The following CNTNAP2 variants were observed in gnomAD, a reference collection of about 807,000 sequenced individuals.
CNTNAP2 encodes contactin-associated protein-like 2.
A neutral mutation model predicts 155.2 loss-of-function variants in CNTNAP2; 98 were observed. That is an observed-to-expected ratio of 0.63 (90% confidence interval 0.54 to 0.75). The LOEUF (loss-of-function observed/expected upper bound fraction) is 0.75. CNTNAP2 is among the 30% of genes least tolerant of loss of function. The pLI is 0.00. For missense variants in CNTNAP2, 1,727 were observed against 1,688.1 expected, an observed-to-expected ratio of 1.02 and a Z score of -0.40; for synonymous variants, 651 against 631.2, an observed-to-expected ratio of 1.03 and a Z score of -0.47.
In CNTNAP2 at chr7:147,518,495, T is replaced by C. The variant is rs61460993; in HGVS notation, c.1777+32454T>C. Among the ~76,000 whole-genome samples, 1,261 of 152,302 alleles carry C rather than the reference T, an allele frequency of 8.3e-3. 10 individuals carry two copies. Among genetic ancestry groups the C allele is most frequent in the African/African-American group, 0.029 (1,190 of 41,570 alleles). On this transcript the variant is annotated intron_variant, in intron 11 of 23. Coordinates refer to ENST00000361727, the MANE Select transcript of CNTNAP2 (RefSeq NM_014141.6). ...TCTCTTGCAGTCTAGCACATGTACA[T>C]ACAGATGCTATGAGAACATATGTCT...
rs756005016 is a variant in CNTNAP2, at chr7:148,229,755, C to T, written c.3357C>T (p.Arg1119=). 1.2e-6 allele frequency: 2 copies of T among 1,614,118 alleles called. No homozygotes were observed. Among genetic ancestry groups the T allele is most frequent in the Non-Finnish European group, 8.5e-7 (1 of 1,180,010 alleles). ...NGQPHSVNIT[R]HEKTIFLKLD... ...AGCCCCACAGTGTCAACATCACCCG[C>T]CACGAGAAGACCATCTTTCTCAAGG... is the stretch of plus-strand genomic sequence containing the variant. Residue 1119 remains arginine (R), a synonymous_variant, in exon 20 of 24, where the codon CGC becomes CGT. Transcript: ENST00000361727.
At chr7:147,696,070 C>T (rs1405823644) in intron 13 of CNTNAP2, among the ~76,000 whole-genome samples, 1 of 152,100 alleles carries the variant, frequency 6.6e-6, no homozygotes, top group Non-Finnish European at 1.5e-5. Flanking sequence ...TTTGTCTTTA[C>T]ATTTAAAGTG....
At chr7:147,318,077 C>A (rs899097748) in intron 9 of CNTNAP2, among the ~76,000 whole-genome samples, 1 of 151,974 alleles carries the variant, frequency 6.6e-6, no homozygotes, top group African/African-American at 2.4e-5. Context: ...AGGTATAAAA[C>A]CAACATGACA....
At chr7:146,201,639 AGT>A (rs57595774) in intron 1 of CNTNAP2, among the ~76,000 whole-genome samples, 79,250 of 146,676 alleles carry the variant, frequency 0.54, 22,549 homozygotes, top group East Asian at 0.88. Flanking sequence ...ATGTCCCACG[AGT>A]GTGTGTGTGT....
intron 10 of CNTNAP2, among the ~76,000 whole-genome samples, chr7:147,443,830 T>G (rs1797684201): frequency 6.6e-6 from 1 of 152,214 alleles, no homozygotes; most frequent in South Asian, 2.1e-4. Context: ...AAATACAGTG[T>G]TCAAATAAAC....
At chr7:146,806,494 CA>C (rs5888222) in intron 2 of CNTNAP2, among the ~76,000 whole-genome samples, 77,448 of 148,192 alleles carry the variant, frequency 0.52, 21,269 homozygotes, top group African/African-American at 0.73. Context: ...AAAATTCCAT[CA>C]AAAAAAAAAA....
chr7:147,716,893 T>C (rs1285637711), intron 13 of CNTNAP2, among the ~76,000 whole-genome samples: 1 of 152,200 alleles, frequency 6.6e-6, no homozygotes, highest in Non-Finnish European at 1.5e-5. Context: ...AGTATTTATA[T>C]GCTTTATTAC....
intron 1 of CNTNAP2, among the ~76,000 whole-genome samples, chr7:146,711,892 AT>A (rs1801085203): frequency 1.0e-5 from 1 of 95,704 alleles, no homozygotes; most frequent in East Asian, 2.7e-4. Context: ...TACACATCTT[AT>A]GTATACTATA....
At chr7:146,768,949 A>G (rs1018901577) in intron 1 of CNTNAP2, among the ~76,000 whole-genome samples, 1 of 152,224 alleles carries the variant, frequency 6.6e-6, no homozygotes, top group Admixed American at 6.5e-5. Context: ...AACTCCTGCC[A>G]GTATCCCTTG....
intron 1 of CNTNAP2, among the ~76,000 whole-genome samples, chr7:146,219,753 T>C (rs183091798): frequency 6.6e-5 from 10 of 152,344 alleles, no homozygotes; most frequent in Admixed American, 2.0e-4. Context: ...TGTTTTAACA[T>C]ACTGTGACCA....
intron 1 of CNTNAP2, among the ~76,000 whole-genome samples, chr7:146,330,456 C>A (rs1252749887): frequency 3.3e-5 from 5 of 152,100 alleles, no homozygotes; most frequent in Admixed American, 1.3e-4. Flanking sequence ...ACAGAGCACA[C>A]AATCAATTGT....
intron 9 of CNTNAP2, among the ~76,000 whole-genome samples, chr7:147,313,097 T>G (rs1263145763): frequency 4.5e-5 from 6 of 133,782 alleles, no homozygotes; most frequent in African/African-American, 1.8e-4. Context: ...TCGCCCACTT[T>G]TTGATGGGGT....
intron 2 of CNTNAP2, among the ~76,000 whole-genome samples, chr7:146,800,946 C>G (rs1034490483): frequency 1.3e-5 from 2 of 152,036 alleles, no homozygotes; most frequent in Non-Finnish European, 2.9e-5. Context: ...GAAGGAAACT[C>G]CTCTCTTTAG....
At chr7:148,003,715 A>T (rs1280811866) in intron 15 of CNTNAP2, among the ~76,000 whole-genome samples, 1 of 152,202 alleles carries the variant, frequency 6.6e-6, no homozygotes, top group Non-Finnish European at 1.5e-5. Context: ...CCTTCAAAAA[A>T]CTTCACAATT....
At chr7:146,748,143 CTTTTTTTTTTT>C (rs61495352) in intron 1 of CNTNAP2, among the ~76,000 whole-genome samples, 1 of 98,004 alleles carries the variant, frequency 1.0e-5, no homozygotes, top group Non-Finnish European at 2.0e-5. Context: ...CTTTTCTTTT[CTTTTTTTTTTT>C]TTTTTTTTTG....
chr7:146,435,176 A>G (rs919373198), intron 1 of CNTNAP2, among the ~76,000 whole-genome samples: 5 of 152,198 alleles, frequency 3.3e-5, no homozygotes, highest in African/African-American at 9.7e-5. Context: ...TGGGATGAGT[A>G]TATAAAATCT....
At chr7:147,107,905 G>A (rs1800799042) in intron 4 of CNTNAP2, among the ~76,000 whole-genome samples, 1 of 151,898 alleles carries the variant, frequency 6.6e-6, no homozygotes, top group South Asian at 2.1e-4. Flanking sequence ...TACTAATTTT[G>A]TAATTAAAGT....
chr7:146,243,481 TTACAA>T (rs571928191), intron 1 of CNTNAP2, among the ~76,000 whole-genome samples: 34 of 152,290 alleles, frequency 2.2e-4, no homozygotes, highest in African/African-American at 7.9e-4. Context: ...TGAAAAAGTT[TTACAA>T]AACAGAGAGG....
At chr7:146,702,754 T>G (rs866888429) in intron 1 of CNTNAP2, among the ~76,000 whole-genome samples, 1 of 152,170 alleles carries the variant, frequency 6.6e-6, no homozygotes, top group African/African-American at 2.4e-5. Flanking sequence ...TTATTAATAG[T>G]GGCATAATTT....
Sources: gnomAD v4.1 joint callset for allele counts (sites outside exome capture counted in the v4.1 genomes callset) on GRCh38, gnomAD v4.1.1 for gene constraint, MANE v1.5 for transcripts, NCBI Gene and HGNC (gene_info 2026-07-23, HGNC 2026-07-21) for gene names.